The following MYO3B variants were observed in gnomAD, a reference collection of about 807,000 sequenced individuals.
MYO3B encodes the protein myosin-IIIb.
Under a neutral mutation model 174.6 loss-of-function variants are expected in MYO3B, and 156 were observed. The observed-to-expected ratio is 0.89, with a 90% confidence interval of 0.78 to 1.02. The LOEUF (loss-of-function observed/expected upper bound fraction) is 1.02, where lower values mean the gene tolerates loss of function less well. Among genes scored for constraint, MYO3B ranks in the 50% least tolerant of loss-of-function variants. MYO3B has a pLI of 0.00. For missense variants in MYO3B, 1,632 were observed against 1,639.4 expected (o/e 1.00, Z 0.08); for synonymous variants, 563 against 569.1 (o/e 0.99, Z 0.15).
chr2:170,188,235 C>G (rs952266314), intron 1 of MYO3B, among the ~76,000 whole-genome samples: 5 of 152,034 alleles, frequency 3.3e-5, no homozygotes, highest in Non-Finnish European at 7.4e-5. Flanking sequence ...TAGTTTTTGT[C>G]TTGAAATCTA....
At chr2:170,409,761 CATTTTCTATATGGA>C (rs1342651459) in intron 22 of MYO3B, among the ~76,000 whole-genome samples, 2 of 152,244 alleles carry the variant, frequency 1.3e-5, no homozygotes, top group Non-Finnish European at 2.9e-5. Context: ...CTTTTAACTT[CATTTTCTATATGGA>C]ATTTTCTATA....
rs944578765 is a variant in MYO3B, at chr2:170,403,089, T to G, written c.2277+94T>G. 4 of 1,236,132 alleles carry G rather than the reference T, an allele frequency of 3.2e-6. No individual in the cohort carries two copies. In the African/African-American group the frequency reaches 4.5e-5, roughly 14 times the overall value. 76.6% of individuals were successfully genotyped at this position (1,236,132 alleles called of 1,614,324 possible). A position where few individuals can be genotyped will look rare whatever the true frequency, so the allele number is the denominator to read the frequency against. ...AGCAGAAACCCTGTAGACTAACAACTAAAAGACCCTAGAGAGAAAATAGGG... is the reference window on the plus strand; with the variant it reads ...AGCAGAAACCCTGTAGACTAACAACGAAAAGACCCTAGAGAGAAAATAGGG... On this transcript the variant is annotated intron_variant, in intron 19 of 34. Coordinates refer to ENST00000408978, the MANE Select transcript of MYO3B (RefSeq NM_138995.5).
At chr2:170,403,042 C>A in intron 19 of MYO3B, 47 bp downstream of exon 19, 1 of 1,518,978 alleles carries the variant, frequency 6.6e-7, no homozygotes, top group South Asian at 1.3e-5. Context: ...GAAAAGGTGT[C>A]TCCAAGCTGC....
chr2:170,625,225 T>C (rs1575277712), intron 32 of MYO3B, among the ~76,000 whole-genome samples: 1 of 152,240 alleles, frequency 6.6e-6, no homozygotes, highest in Non-Finnish European at 1.5e-5. Context: ...AAGCAGTTAA[T>C]TATTGCCTCA....
At chr2:170,312,224 G>A (rs1296474712) in intron 7 of MYO3B, among the ~76,000 whole-genome samples, 2 of 152,194 alleles carry the variant, frequency 1.3e-5, no homozygotes, top group African/African-American at 4.8e-5. Flanking sequence ...GTTCAGGTTT[G>A]TTGTGATTTC....
intron 30 of MYO3B, among the ~76,000 whole-genome samples, chr2:170,531,482 A>G (rs1689349880): frequency 6.6e-6 from 1 of 152,190 alleles, no homozygotes; most frequent in Non-Finnish European, 1.5e-5. Flanking sequence ...GGAAGATCAA[A>G]TAGCACAATA....
At chr2:170,461,910 A>G (rs1684317165) in intron 23 of MYO3B, among the ~76,000 whole-genome samples, 1 of 152,280 alleles carries the variant, frequency 6.6e-6, no homozygotes, top group Admixed American at 6.5e-5. Context: ...TTTACAATTT[A>G]GCCAAAGGCT....
intron 32 of MYO3B, among the ~76,000 whole-genome samples, chr2:170,633,102 T>A (rs1248156868): frequency 6.6e-6 from 1 of 152,136 alleles, no homozygotes; most frequent in Non-Finnish European, 1.5e-5. Flanking sequence ...AAAGAGGGAA[T>A]CCTCCCTAAC....
intron 7 of MYO3B, among the ~76,000 whole-genome samples, chr2:170,283,945 A>G (rs1168895701): frequency 1.3e-5 from 2 of 152,244 alleles, no homozygotes; most frequent in African/African-American, 2.4e-5. Flanking sequence ...GTAACAATAC[A>G]TTGGCTTCTC....
chr2:170,552,621 G>C (rs993631191), intron 32 of MYO3B, among the ~76,000 whole-genome samples: 2 of 152,180 alleles, frequency 1.3e-5, no homozygotes, highest in African/African-American at 2.4e-5. Context: ...GAGCATAAAA[G>C]TTTGGAAAAT....
intron 7 of MYO3B, among the ~76,000 whole-genome samples, chr2:170,257,877 A>G (rs1358712024): frequency 1.3e-5 from 2 of 152,160 alleles, no homozygotes; most frequent in African/African-American, 4.8e-5. Context: ...CAGAAGTGAC[A>G]GAGGTAACAT....
chr2:170,580,734 G>A (rs879717201), intron 32 of MYO3B, among the ~76,000 whole-genome samples: 5 of 150,470 alleles, frequency 3.3e-5, no homozygotes, highest in Admixed American at 6.6e-5. Context: ...GTGTGTGTGT[G>A]TGTGTGTGTG....
At chr2:170,423,214 C>T (rs1217039068) in intron 22 of MYO3B, among the ~76,000 whole-genome samples, 1 of 151,950 alleles carries the variant, frequency 6.6e-6, no homozygotes, top group Non-Finnish European at 1.5e-5. Flanking sequence ...AACTCCAGAC[C>T]TCAGGTGATC....
In MYO3B at chr2:170,399,072, A is replaced by G. The variant is rs1029418653; in HGVS notation, c.1792-1116A>G. 4.0e-5 allele frequency among the ~76,000 whole-genome samples: 6 copies of G among 151,888 alleles called. No individual in the cohort carries two copies. In the South Asian group the frequency reaches 8.4e-4, roughly 21 times the overall value. On this transcript the variant is annotated intron_variant, in intron 16 of 34. Coordinates refer to ENST00000408978, the MANE Select transcript of MYO3B (RefSeq NM_138995.5). The stretch of plus-strand genomic sequence containing the variant: ...ACCAGCCTCAACATGGAGAAACCCC[A>G]TCTCTACTAAAAATACAAAATTGGC...
intron 8 of MYO3B, among the ~76,000 whole-genome samples, chr2:170,361,342 G>T (rs760529133): frequency 2.5e-4 from 38 of 152,178 alleles, no homozygotes; most frequent in Non-Finnish European, 4.4e-4. Context: ...GTTGCCTGGA[G>T]AAATATCTGG....
At chr2:170,326,128 A>G (rs1543180) in intron 7 of MYO3B, among the ~76,000 whole-genome samples, 5,229 of 151,144 alleles carry the variant, frequency 0.035, 117 homozygotes, top group Middle Eastern at 0.099. Context: ...CCACACATAT[A>G]AAGCTTTTTT....
Position 170,386,226 on chromosome 2 carries a change from C to T in MYO3B, c.1328C>T (p.Thr443Ile), listed in dbSNP as rs752452217. ...VISGESGSGK[T>I]ESAHLIVQHL... Reference sequence around the variant, plus strand: ...AGCGGAGAGAGTGGCTCTGGGAAGACAGAAAGCGCCCACCTGATTGTTCAG... The same window carrying T: ...AGCGGAGAGAGTGGCTCTGGGAAGATAGAAAGCGCCCACCTGATTGTTCAG... The change falls in exon 13 of 35, where the codon ACA (threonine) becomes ATA (isoleucine). Residue 443 changes from threonine to isoleucine, a missense_variant. Coordinates refer to ENST00000408978, the MANE Select transcript of MYO3B (RefSeq NM_138995.5). The T allele has an allele frequency of 6.2e-7, 1 of 1,613,656 alleles. No homozygotes were observed. Among genetic ancestry groups the T allele is most frequent in the African/African-American group, 1.3e-5 (1 of 75,024 alleles).
At chr2:170,434,327 T>C (rs2094734646) in intron 22 of MYO3B, among the ~76,000 whole-genome samples, 1 of 152,160 alleles carries the variant, frequency 6.6e-6, no homozygotes. Context: ...GCAAAAGGAA[T>C]AGCACTCGAA....
chr2:170,375,656 G>A (rs1490135566), intron 9 of MYO3B, among the ~76,000 whole-genome samples: 1 of 151,572 alleles, frequency 6.6e-6, no homozygotes, highest in Non-Finnish European at 1.5e-5. Flanking sequence ...CTATTTAACT[G>A]CTAGTTTTCC....
Sources: gnomAD v4.1 joint callset for allele counts (sites outside exome capture counted in the v4.1 genomes callset) on GRCh38, gnomAD v4.1.1 for gene constraint, MANE v1.5 for transcripts, NCBI Gene and HGNC (gene_info 2026-07-23, HGNC 2026-07-21) for gene names.